Variants in CCDC91 observed in about 807,000 individuals in gnomAD.
CCDC91 encodes coiled-coil domain-containing protein 91.
CCDC91 carries 48 observed loss-of-function variants against 63.2 expected under a neutral mutation model. The ratio of observed to expected loss-of-function variants is 0.76; its 90% CI spans 0.60 to 0.97. CCDC91 has a LOEUF of 0.97. CCDC91 is among the 50% of genes least tolerant of loss of function. CCDC91 has a pLI of 0.00. For synonymous variants in CCDC91, 167 were observed against 165.8 expected (o/e 1.01, Z -0.06); for missense variants, 500 against 494.6 (o/e 1.01, Z -0.10).
chr12:28,252,200 G>A (rs1442197768), intron 1 of CCDC91, among the ~76,000 whole-genome samples: 1 of 152,060 alleles, frequency 6.6e-6, no homozygotes, highest in Non-Finnish European at 1.5e-5. Flanking sequence ...TTTCTCTCTG[G>A]AAGCTTGTAG....
intron 12 of CCDC91, among the ~76,000 whole-genome samples, chr12:28,517,781 C>T (rs1455254274): frequency 6.6e-6 from 1 of 151,810 alleles, no homozygotes; most frequent in Non-Finnish European, 1.5e-5. Context: ...TTATTCCTCA[C>T]CTCCTTCCCA....
At chr12:28,247,759 C>T (rs1228162162) in intron 1 of CCDC91, among the ~76,000 whole-genome samples, 1 of 152,104 alleles carries the variant, frequency 6.6e-6, no homozygotes. Flanking sequence ...CTTGTTGGCA[C>T]CAGGGACTGG....
At chr12:28,478,070 C>G (rs1166170513) in intron 11 of CCDC91, among the ~76,000 whole-genome samples, 2 of 152,158 alleles carry the variant, frequency 1.3e-5, no homozygotes, top group Non-Finnish European at 2.9e-5. Context: ...CCATCTCCAT[C>G]AAGCTATCAA....
At chr12:28,453,059 A>G (rs1359966414) in intron 11 of CCDC91, among the ~76,000 whole-genome samples, 5 of 152,034 alleles carry the variant, frequency 3.3e-5, no homozygotes, top group African/African-American at 1.2e-4. Flanking sequence ...GATTCAATTA[A>G]TTTATAATTC....
chr12:28,362,654 A>G (rs1943979875), intron 7 of CCDC91, 139 bp downstream of exon 7: 1 of 508,578 alleles, frequency 2.0e-6, no homozygotes. Context: ...TTCAGCAACA[A>G]ATATCCATTG....
At chr12:28,488,993 T>G (rs1354810679) in intron 12 of CCDC91, among the ~76,000 whole-genome samples, 7 of 151,986 alleles carry the variant, frequency 4.6e-5, no homozygotes. Context: ...CATTCATTTT[T>G]GTATTGTCCA....
chr12:28,474,199 T>A (rs977734480), intron 11 of CCDC91, among the ~76,000 whole-genome samples: 3 of 152,168 alleles, frequency 2.0e-5, no homozygotes, highest in Non-Finnish European at 2.9e-5. Flanking sequence ...CACTCCACTC[T>A]GCCTTAAAAG....
At chr12:28,211,245 T>A (rs1316251035) in intron 1 of CCDC91, among the ~76,000 whole-genome samples, 2 of 151,958 alleles carry the variant, frequency 1.3e-5, no homozygotes, top group Non-Finnish European at 2.9e-5. Context: ...TAAGAAATTC[T>A]TACCCCTTTG....
intron 12 of CCDC91, among the ~76,000 whole-genome samples, chr12:28,535,507 C>G (rs1942081880): frequency 6.6e-6 from 1 of 152,178 alleles, no homozygotes; most frequent in South Asian, 2.1e-4. Context: ...AAGAGCAGAT[C>G]TCTTAGGATA....
chr12:28,306,936 A>T lies in CCDC91; in HGVS notation c.462A>T (p.Arg154Ser), dbSNP rs1938804907. ...KLKVSEEEKQRIKQDVESLME... is the reference protein window; with the variant it reads ...KLKVSEEEKQSIKQDVESLME... ...AAGTATCTGAAGAAGAAAAACAGAG[A>T]ATTAAACAGGTATATTTACATTTGC... The change falls in exon 5 of 13, where the codon AGA becomes AGT. Residue 154 changes from arginine (R) to serine (S), a missense_variant. Transcript: ENST00000536442. 2 of 1,593,032 alleles carry T rather than the reference A, an allele frequency of 1.3e-6. No individual in the cohort carries two copies. The highest frequency in any genetic ancestry group is 1.7e-6 in the Non-Finnish European group (2 of 1,163,080).
At chr12:28,505,264 C>T (rs1938554719) in intron 12 of CCDC91, 1 of 151,812 alleles carries the variant, frequency 6.6e-6, no homozygotes, top group Non-Finnish European at 1.5e-5. Context: ...GATTTTTGTA[C>T]CCTGCACTGA....
At chr12:28,493,006 A>T (rs1161186366) in intron 12 of CCDC91, among the ~76,000 whole-genome samples, 1 of 151,696 alleles carries the variant, frequency 6.6e-6, no homozygotes, top group East Asian at 1.9e-4. Flanking sequence ...CTCAACTTAA[A>T]TGGAAATTTA....
At chr12:28,246,117 A>T (rs2136022232) in intron 1 of CCDC91, among the ~76,000 whole-genome samples, 1 of 152,220 alleles carries the variant, frequency 6.6e-6, no homozygotes, top group East Asian at 1.9e-4. Context: ...TAATATCATA[A>T]GAAAAAGTTA....
intron 8 of CCDC91, among the ~76,000 whole-genome samples, chr12:28,411,020 G>T (rs1947286703): frequency 6.6e-6 from 1 of 151,674 alleles, no homozygotes; most frequent in African/African-American, 2.4e-5. Flanking sequence ...ATATGTCTTT[G>T]TTATTTTTGT....
rs183888021 is a variant in CCDC91, at chr12:28,398,144, A to G, written c.762+6733A>G. On this transcript the variant is annotated intron_variant, in intron 8 of 12. Transcript: ENST00000536442. ...AACAATCAAGATATAGAACATTTCT[A>G]TCAACACAAGAAGTTCTCTTATCCT... 8.4e-4 allele frequency among the ~76,000 whole-genome samples: 128 copies of G among 152,312 alleles called. 2 individuals are homozygous for G. Among genetic ancestry groups the G allele is most frequent in the African/African-American group, 2.9e-3 (122 of 41,598 alleles).
At chr12:28,269,598 G>A (rs879261394) in intron 3 of CCDC91, among the ~76,000 whole-genome samples, 5 of 152,206 alleles carry the variant, frequency 3.3e-5, no homozygotes, top group Non-Finnish European at 7.4e-5. Flanking sequence ...ACCAGAGAGG[G>A]CTGGGACACA....
chr12:28,402,681 G>A (rs1946712889), intron 8 of CCDC91, among the ~76,000 whole-genome samples: 1 of 151,108 alleles, frequency 6.6e-6, no homozygotes, highest in African/African-American at 2.4e-5. Flanking sequence ...TCAGTGCAAT[G>A]TTGAAAAGCA....
chr12:28,461,735 T>C (rs1222548906), intron 11 of CCDC91, among the ~76,000 whole-genome samples: 3 of 152,124 alleles, frequency 2.0e-5, no homozygotes, highest in African/African-American at 7.2e-5. Flanking sequence ...GCTCTATGTC[T>C]TTCACACACA....
At chr12:28,289,816 C>T (rs910362867) in intron 3 of CCDC91, among the ~76,000 whole-genome samples, 52 of 151,376 alleles carry the variant, frequency 3.4e-4, no homozygotes, top group South Asian at 4.2e-4. Flanking sequence ...CTCAGCCTTC[C>T]GAGTAGCTGG....
Sources: allele counts gnomAD v4.1 joint callset (sites outside exome capture counted in the v4.1 genomes callset), GRCh38; gene constraint gnomAD v4.1.1; transcripts MANE v1.5; gene names NCBI Gene and HGNC (gene_info 2026-07-23, HGNC 2026-07-21).